The following NPIPB2 variants were observed in gnomAD, a reference collection of about 807,000 sequenced individuals.
NPIPB2 encodes the protein nuclear pore complex interacting protein family member B2.
Under a neutral mutation model 30.8 loss-of-function variants are expected in NPIPB2, and 27 were observed. The ratio of observed to expected loss-of-function variants is 0.88; its 90% CI spans 0.65 to 1.21. The LOEUF is 1.21. Among genes scored for constraint, NPIPB2 ranks in the 50% most tolerant of loss-of-function variants. The pLI, the probability that NPIPB2 is intolerant of heterozygous loss-of-function variation, is 0.00. For synonymous variants in NPIPB2, 147 were observed against 162.0 expected, an observed-to-expected ratio of 0.91 and a Z score of 0.70; for missense variants, 440 against 446.2, an observed-to-expected ratio of 0.99 and a Z score of 0.13.
At chr16:11,965,117 C>G in intron 1 of NPIPB2, 1 of 605,914 alleles carries the variant, frequency 1.7e-6, no homozygotes, top group Non-Finnish European at 2.9e-6. Flanking sequence ...AAGACTCAAA[C>G]TTAGAAACTT....
chr16:11,966,429 T>A (rs947107336), intron 1 of NPIPB2: 2 of 1,356,332 alleles, frequency 1.5e-6, no homozygotes, highest in African/African-American at 2.9e-5. Context: ...GCGTTGACTA[T>A]TTCACTTCGT....
At chr16:11,965,521 CA>C in intron 1 of NPIPB2, 1 of 1,509,824 alleles carries the variant, frequency 6.6e-7, no homozygotes, top group Non-Finnish European at 9.1e-7. Context: ...ACTGCTTATT[CA>C]GAGAATCAAC....
intron 1 of NPIPB2, among the ~76,000 whole-genome samples, chr16:11,938,940 G>A (rs894173026): frequency 7.9e-5 from 12 of 151,664 alleles, no homozygotes; most frequent in African/African-American, 2.9e-4. Flanking sequence ...TAGAAACAGG[G>A]TTTCACCATC....
intron 1 of NPIPB2, among the ~76,000 whole-genome samples, chr16:11,962,891 A>ATCC (rs2055164251): frequency 6.6e-6 from 1 of 151,916 alleles, no homozygotes; most frequent in South Asian, 2.1e-4. Flanking sequence ...ATATGGTGAA[A>ATCC]TCCTGTCTGT....
At chr16:11,942,110 T>C (rs2054950703), upstream of NPIPB2, 10 of 1,532,046 alleles carry the variant, frequency 6.5e-6, no homozygotes, top group South Asian at 1.2e-4. Context: ...CATCTGTCCA[T>C]CAACCTGTAT....
intron 1 of NPIPB2, among the ~76,000 whole-genome samples, chr16:11,955,560 A>G (rs975486579): frequency 8.0e-5 from 12 of 150,910 alleles, no homozygotes; most frequent in African/African-American, 2.9e-4. Flanking sequence ...ATACAAAAAA[A>G]CCTAAAAATA....
At chr16:11,974,913 A>T (rs2055260799) in intron 1 of NPIPB2, among the ~76,000 whole-genome samples, 2 of 151,738 alleles carry the variant, frequency 1.3e-5, no homozygotes, top group South Asian at 4.2e-4. Flanking sequence ...CTCTACTAAA[A>T]AAATACAAAA....
chr16:11,958,374 G>A (rs1320625259), intron 1 of NPIPB2, among the ~76,000 whole-genome samples: 1 of 151,202 alleles, frequency 6.6e-6, no homozygotes, highest in African/African-American at 2.4e-5. Context: ...GTTGCAGTGA[G>A]CCCAGATCAC....
At chr16:11,975,048 C>T (rs2055264654) in intron 1 of NPIPB2, among the ~76,000 whole-genome samples, 1 of 150,442 alleles carries the variant, frequency 6.6e-6, no homozygotes, top group Non-Finnish European at 1.5e-5. Flanking sequence ...GCACTCCAGC[C>T]TGGGCGACAG....
At chr16:11,941,592 G>A (rs3971882) in intron 1 of NPIPB2, among the ~76,000 whole-genome samples, 1,676 of 121,768 alleles carry the variant, frequency 0.014, 32 homozygotes, top group African/African-American at 0.056. Context: ...GAGGCTTAGG[G>A]GCAATTAGAG....
chr16:11,957,771 T>C lies in NPIPB2; in HGVS notation c.-583-15657A>G, dbSNP rs371560888. On this transcript the variant is annotated intron_variant, in intron 1 of 5. Transcript: ENST00000538896. ...TGTCTGGCCTGCCTGGCTTGCCCTG[T>C]GGATTTCAAACTCAGTACTGCAACA... 5.9e-5 allele frequency among the ~76,000 whole-genome samples: 9 copies of C among 152,126 alleles called. No homozygotes were observed. The East Asian group carries it at 1.7e-3, about 29-fold the overall frequency.
chr16:11,965,228 G>T (rs933856654), intron 1 of NPIPB2: 1 of 1,516,582 alleles, frequency 6.6e-7, no homozygotes. Flanking sequence ...CAACATTCTA[G>T]CTGCTCTTGC....
intron 1 of NPIPB2, among the ~76,000 whole-genome samples, chr16:11,940,757 C>CT (rs1414523074): frequency 3.1e-4 from 11 of 35,474 alleles, no homozygotes; most frequent in African/African-American, 4.8e-4. Context: ...GAGACTCTGT[C>CT]TAAAAAAAAA....
chr16:11,943,192 G>A (rs1298627935), upstream of NPIPB2, among the ~76,000 whole-genome samples: 31 of 152,118 alleles, frequency 2.0e-4, no homozygotes, highest in East Asian at 5.8e-4. Context: ...GGTGGTGGGC[G>A]CCTGTAGTCC....
intron 1 of NPIPB2, 142 bp from the exon 2 acceptor site, chr16:11,937,810 C>T: frequency 1.4e-6 from 2 of 1,436,348 alleles, no homozygotes; most frequent in Non-Finnish European, 1.9e-6. Context: ...TCCACTGTTA[C>T]AAAAAAGAAC....
At chr16:11,939,071 T>C (rs1225582885) in intron 1 of NPIPB2, among the ~76,000 whole-genome samples, 1 of 152,122 alleles carries the variant, frequency 6.6e-6, no homozygotes, top group Non-Finnish European at 1.5e-5. Context: ...TTTAAAGTTA[T>C]TTACTTGTTT....
At chr16:11,964,794 C>A (rs1041270936) in intron 1 of NPIPB2, among the ~76,000 whole-genome samples, 1 of 152,168 alleles carries the variant, frequency 6.6e-6, no homozygotes, top group Admixed American at 6.6e-5. Context: ...AACTCCTGGG[C>A]TCAAGCAATC....
At chr16:11,967,492 C>G in intron 1 of NPIPB2, 2 of 1,411,342 alleles carry the variant, frequency 1.4e-6, no homozygotes, top group Non-Finnish European at 1.9e-6. Context: ...GCTTTGAGTC[C>G]CGATGTGTAC....
chr16:11,944,928 C>G (rs2054989300), upstream of NPIPB2, among the ~76,000 whole-genome samples: 1 of 151,648 alleles, frequency 6.6e-6, no homozygotes, highest in African/African-American at 2.4e-5. Flanking sequence ...CCTGTAATCC[C>G]AGCACTTTGG....
Sources: allele counts gnomAD v4.1 joint callset (sites outside exome capture counted in the v4.1 genomes callset), GRCh38; gene constraint gnomAD v4.1.1; transcripts MANE v1.5; gene names NCBI Gene and HGNC (gene_info 2026-07-23, HGNC 2026-07-21).